The following CDS2 variants were observed in gnomAD, a reference collection of about 807,000 sequenced individuals.
The protein encoded by CDS2 is phosphatidate cytidylyltransferase 2.
CDS2 carries 47 observed loss-of-function variants against 59.0 expected under a neutral mutation model. That is an observed-to-expected ratio of 0.80 (90% CI 0.63 to 1.02). The LOEUF (loss-of-function observed/expected upper bound fraction) is 1.02. Ranked by LOEUF, CDS2 falls within the 50% of genes least tolerant of loss-of-function variation. The probability of loss-of-function intolerance (pLI) is 0.00; values close to 1 mark genes in which losing one functional copy is unlikely to be tolerated. For missense variants in CDS2, 356 were observed against 558.9 expected (o/e 0.64, Z 3.66); for synonymous variants, 207 against 206.4 (o/e 1.00, Z -0.02).
intron 1 of CDS2, among the ~76,000 whole-genome samples, chr20:5,141,710 G>T (rs550821884): frequency 6.6e-6 from 1 of 152,220 alleles, no homozygotes; most frequent in Admixed American, 6.5e-5. Context: ...GAAAAGAGGG[G>T]GTGGTCATGT....
chr20:5,144,174 A>G (rs1166721597), intron 1 of CDS2, among the ~76,000 whole-genome samples: 1 of 152,188 alleles, frequency 6.6e-6, no homozygotes, highest in Non-Finnish European at 1.5e-5. Context: ...CTTGTATTTT[A>G]GAAACTTCTT....
chr20:5,144,060 C>T (rs1250743168), intron 1 of CDS2, among the ~76,000 whole-genome samples: 1 of 152,062 alleles, frequency 6.6e-6, no homozygotes. Context: ...CCACCACGCC[C>T]CCGCCTGCTT....
intron 1 of CDS2, among the ~76,000 whole-genome samples, chr20:5,170,356 G>A (rs965800885): frequency 1.3e-5 from 2 of 152,184 alleles, no homozygotes; most frequent in Non-Finnish European, 2.9e-5. Flanking sequence ...TGTGGAAGCT[G>A]CCGCTGGCAC....
At chr20:5,135,620 AC>A (rs1330437735) in intron 1 of CDS2, among the ~76,000 whole-genome samples, 14 of 151,460 alleles carry the variant, frequency 9.2e-5, no homozygotes, top group African/African-American at 1.2e-4. Flanking sequence ...ATAGTGAGGC[AC>A]CCCCTCCCCA....
intron 1 of CDS2, among the ~76,000 whole-genome samples, chr20:5,139,655 G>A (rs775794655): frequency 3.9e-5 from 6 of 152,168 alleles, no homozygotes; most frequent in Non-Finnish European, 5.9e-5. Context: ...AAGGCTTTCA[G>A]CTTTTGCCTA....
chr20:5,144,428 A>G (rs2090722645), intron 1 of CDS2, among the ~76,000 whole-genome samples: 1 of 152,168 alleles, frequency 6.6e-6, no homozygotes, highest in Non-Finnish European at 1.5e-5. Flanking sequence ...AGATGGTCAC[A>G]CTTGGTAATG....
chr20:5,188,976 A>G (rs2091091506), intron 10 of CDS2, 91 bp from the exon 11 acceptor site: 6 of 1,542,830 alleles, frequency 3.9e-6, no homozygotes, highest in Admixed American at 3.4e-5. Context: ...TGAGGCCACA[A>G]TGAGGATCAA....
chr20:5,130,818 G>T (rs1219943967), intron 1 of CDS2, among the ~76,000 whole-genome samples: 4 of 151,790 alleles, frequency 2.6e-5, no homozygotes, highest in Non-Finnish European at 4.4e-5. Context: ...GAGGCTGGGC[G>T]TGGTAGCTCA....
At chr20:5,127,357 T>A (rs932321399) in intron 1 of CDS2, among the ~76,000 whole-genome samples, 1 of 151,734 alleles carries the variant, frequency 6.6e-6, no homozygotes, top group African/African-American at 2.4e-5. Context: ...CGGCTCAGGG[T>A]CTGACTGAAG....
intron 12 of CDS2, 25 bp downstream of exon 12, chr20:5,189,863 A>G (rs779811347): frequency 1.9e-6 from 3 of 1,562,554 alleles, no homozygotes; most frequent in Non-Finnish European, 2.6e-6. Flanking sequence ...CATCTGAACC[A>G]AGTTGGTGGA....
intron 1 of CDS2, among the ~76,000 whole-genome samples, chr20:5,135,334 C>T (rs565465752): frequency 2.6e-5 from 4 of 152,192 alleles, no homozygotes; most frequent in Admixed American, 6.5e-5. Flanking sequence ...CTAGGATCCA[C>T]GTAGGTGGAG....
intron 1 of CDS2, among the ~76,000 whole-genome samples, chr20:5,151,748 G>GTTTTT (rs1429748041): frequency 2.1e-5 from 2 of 94,430 alleles, no homozygotes; most frequent in African/African-American, 8.0e-5. Flanking sequence ...TAGACTCCAT[G>GTTTTT]TCTTTTTTTT....
rs1029464187 is a variant in CDS2 at position 5,135,206 on chromosome 20, G to A, written c.57+8057G>A. On this transcript the variant is annotated intron_variant, in intron 1 of 12. Coordinates refer to ENST00000460006, the MANE Select transcript of CDS2 (RefSeq NM_003818.4). The stretch of plus-strand genomic sequence containing the variant: ...CTCGGCCTCTCAAAGGGCTGGTACA[G>A]CGTGAGCCACCGTGCCCGGCCATTG... Among the ~76,000 whole-genome samples, 19 of 152,336 alleles carry A rather than the reference G, an allele frequency of 1.2e-4. 1 individual carries two copies. In the South Asian group the frequency reaches 3.5e-3, roughly 28 times the overall value.
At position 5,140,474 on chromosome 20, in the gene CDS2, T is replaced by A. The variant is rs553284586; in HGVS notation, c.57+13325T>A. 2.6e-4 allele frequency among the ~76,000 whole-genome samples: 39 copies of A among 152,342 alleles called. No individual in the cohort carries two copies. In the South Asian group the frequency reaches 4.4e-3, roughly 17 times the overall value. On this transcript the variant is annotated intron_variant, in intron 1 of 12. Coordinates refer to ENST00000460006, the MANE Select transcript of CDS2 (RefSeq NM_003818.4). ...AGCAGAGGCATTTTAGTCTACTGATTACAATCATAAACTCAGGAGTTGGAC... is the reference window on the plus strand; with the variant it reads ...AGCAGAGGCATTTTAGTCTACTGATAACAATCATAAACTCAGGAGTTGGAC...
intron 1 of CDS2, chr20:5,168,529 G>C (rs2090931211): frequency 2.0e-6 from 1 of 494,816 alleles, no homozygotes; most frequent in African/African-American, 1.9e-5. Context: ...TCTAGCCATG[G>C]GCACAGCCAC....
chr20:5,134,424 C>T (rs1469925447), intron 1 of CDS2, among the ~76,000 whole-genome samples: 1 of 152,036 alleles, frequency 6.6e-6, no homozygotes, highest in Non-Finnish European at 1.5e-5. Flanking sequence ...AATTTTATTG[C>T]CTGTTTTGAC....
At chr20:5,147,706 A>G (rs892382982) in intron 1 of CDS2, among the ~76,000 whole-genome samples, 1 of 144,918 alleles carries the variant, frequency 6.9e-6, no homozygotes. Context: ...GTCTGGCCAC[A>G]TTTTTTTTTT....
chr20:5,196,665 G>A lies in CDS2; in HGVS notation c.*6431G>A, dbSNP rs769313475. On this transcript the variant is annotated 3_prime_UTR_variant, in exon 13 of 13. Coordinates refer to ENST00000460006, the MANE Select transcript of CDS2 (RefSeq NM_003818.4). ...AACAGCAGAGTAGAAAAGAGGTTGA[G>A]AATGTTTTCTAGCAGGCAGAATGTG... 1.3e-5 allele frequency: 2 copies of A among 152,234 alleles called. No individual in the cohort carries two copies. Among genetic ancestry groups the A allele is most frequent in the Middle Eastern group, 3.2e-3 (1 of 316 alleles). 9.4% of individuals were successfully genotyped at this position (152,234 alleles called of 1,614,324 possible).
At chr20:5,163,283 CAG>C (rs1429319833) in intron 1 of CDS2, among the ~76,000 whole-genome samples, 6 of 152,040 alleles carry the variant, frequency 3.9e-5, no homozygotes, top group African/African-American at 1.5e-4. Context: ...TTTTTTGAGA[CAG>C]AGTTTTGCTC....
Sources: gnomAD v4.1 joint callset for allele counts (sites outside exome capture counted in the v4.1 genomes callset) on GRCh38, gnomAD v4.1.1 for gene constraint, MANE v1.5 for transcripts, NCBI Gene and HGNC (gene_info 2026-07-23, HGNC 2026-07-21) for gene names.